Variants in CYRIB observed in about 807,000 individuals in gnomAD.
The protein encoded by CYRIB is CYFIP related Rac1 interactor B.
CYRIB carries 8 observed loss-of-function variants against 44.2 expected under a neutral mutation model. The observed-to-expected ratio is 0.18, with a 90% CI of 0.11 to 0.33. The LOEUF (loss-of-function observed/expected upper bound fraction) is 0.33, where lower values mean the gene tolerates loss of function less well. Among genes scored for constraint, CYRIB ranks in the 10% least tolerant of loss-of-function variants. CYRIB has a pLI of 1.00. For missense variants in CYRIB, 185 were observed against 382.8 expected (o/e 0.48, Z 4.31); for synonymous variants, 131 against 127.2 (o/e 1.03, Z -0.20).
At chr8:129,985,493 T>C (rs1185558517) in intron 1 of CYRIB, among the ~76,000 whole-genome samples, 1 of 152,168 alleles carries the variant, frequency 6.6e-6, no homozygotes, top group Non-Finnish European at 1.5e-5. Context: ...GAGACAATGG[T>C]GACCCACCAT....
chr8:129,933,579 T>C (rs2138598356), intron 1 of CYRIB, among the ~76,000 whole-genome samples: 1 of 152,272 alleles, frequency 6.6e-6, no homozygotes, highest in Middle Eastern at 3.4e-3. Flanking sequence ...TCATAATGTA[T>C]AGTAAGAACT....
intron 1 of CYRIB, among the ~76,000 whole-genome samples, chr8:129,990,409 A>T (rs77326873): frequency 0.077 from 11,702 of 152,166 alleles, 533 homozygotes; most frequent in South Asian, 0.22. Flanking sequence ...TATATACGTA[A>T]TATGTATAAT....
chr8:129,865,102 GGATA>G (rs1190817324), intron 4 of CYRIB: 13 of 153,880 alleles, frequency 8.4e-5, no homozygotes, highest in Admixed American at 7.2e-4. Flanking sequence ...AAACAATTTA[GGATA>G]GTTATGTCTG....
chr8:129,930,381 T>A (rs866541309), intron 1 of CYRIB, among the ~76,000 whole-genome samples: 63 of 2,654 alleles, frequency 0.024, no homozygotes, highest in East Asian at 0.087. Context: ...ATATATATAT[T>A]TTAATTATTT....
At chr8:129,977,605 C>G (rs1488318309) in intron 1 of CYRIB, among the ~76,000 whole-genome samples, 2 of 151,812 alleles carry the variant, frequency 1.3e-5, no homozygotes, top group Non-Finnish European at 2.9e-5. Flanking sequence ...GATCTCGGCT[C>G]ACTGCAAACT....
chr8:129,856,696 T>C (rs1009435879), intron 5 of CYRIB, among the ~76,000 whole-genome samples: 7 of 152,244 alleles, frequency 4.6e-5, no homozygotes, highest in Non-Finnish European at 7.3e-5. Context: ...GATTTACGTA[T>C]GAGTCAACAT....
chr8:129,982,777 T>C (rs756881381), intron 1 of CYRIB, among the ~76,000 whole-genome samples: 6 of 152,178 alleles, frequency 3.9e-5, no homozygotes, highest in African/African-American at 9.7e-5. Flanking sequence ...TTCCAGCAGA[T>C]CTCTAAAACC....
intron 3 of CYRIB, among the ~76,000 whole-genome samples, chr8:129,874,933 A>G (rs746002464): frequency 5.9e-5 from 9 of 152,214 alleles, no homozygotes; most frequent in Non-Finnish European, 1.3e-4. Flanking sequence ...GAAAGGCACT[A>G]TAACAGAATC....
chr8:129,967,389 T>G (rs1031749672), intron 2 of CYRIB, among the ~76,000 whole-genome samples: 4 of 151,412 alleles, frequency 2.6e-5, no homozygotes, highest in East Asian at 1.9e-4. Flanking sequence ...GTTTTTTTGT[T>G]TTTTTTTTGA....
chr8:129,887,476 T>C (rs1475179410), intron 2 of CYRIB, among the ~76,000 whole-genome samples: 2 of 152,168 alleles, frequency 1.3e-5, no homozygotes, highest in Admixed American at 6.5e-5. Flanking sequence ...TGGGGAAATG[T>C]AGGGTTGGAG....
intron 1 of CYRIB, among the ~76,000 whole-genome samples, chr8:129,913,117 G>A (rs747586623): frequency 1.3e-5 from 2 of 151,852 alleles, no homozygotes; most frequent in Non-Finnish European, 2.9e-5. Flanking sequence ...GACTACAGGC[G>A]CCGGCCACCA....
intron 1 of CYRIB, among the ~76,000 whole-genome samples, chr8:129,988,269 T>A (rs2096535617): frequency 6.6e-6 from 1 of 152,236 alleles, no homozygotes; most frequent in Admixed American, 6.5e-5. Flanking sequence ...GCTCTCTTCC[T>A]GATTCCGCTA....
Position 129,936,824 on chromosome 8 carries a change from G to A in CYRIB, c.-50+2784C>T, listed in dbSNP as rs569351608. On this transcript the variant is annotated intron_variant, in intron 1 of 11. Coordinates refer to ENST00000519824, the Ensembl canonical transcript of CYRIB. Reference sequence around the variant, plus strand: ...CGGGTTCATGCCATTCTCCTGCCTCGGCCTCCTGAGTAGCTGGGACTACAG... The same window carrying A: ...CGGGTTCATGCCATTCTCCTGCCTCAGCCTCCTGAGTAGCTGGGACTACAG... 5.7e-3 allele frequency among the ~76,000 whole-genome samples: 853 copies of A among 150,308 alleles called. 13 individuals carry two copies. Among genetic ancestry groups the A allele is most frequent in the African/African-American group, 0.02 (823 of 40,902 alleles).
At chr8:129,961,748 G>T (rs1469085525) in intron 2 of CYRIB, among the ~76,000 whole-genome samples, 1 of 152,102 alleles carries the variant, frequency 6.6e-6, no homozygotes, top group Non-Finnish European at 1.5e-5. Context: ...TCTCAGAAGA[G>T]AACTATGGCA....
At position 129,913,628 on chromosome 8, in the gene CYRIB, G is replaced by A. The variant is rs181878212; in HGVS notation, c.-49-10278C>T. On this transcript the variant is annotated intron_variant, in intron 1 of 11. Coordinates refer to ENST00000519824, the Ensembl canonical transcript of CYRIB. ...ACAGACTACGTGTGAACAGTTCATG[G>A]ACCAGTGCTGGTTTGCAAAGTGCGC... Among the ~76,000 whole-genome samples the A allele has an allele frequency of 4.6e-4, 70 of 152,280 alleles. No homozygotes were observed. The South Asian group carries it at 0.01, about 22-fold the overall frequency.
chr8:129,970,749 ATATT>A (rs1247856855), intron 2 of CYRIB, 190 bp downstream of exon 2: 1 of 152,214 alleles, frequency 6.6e-6, no homozygotes, highest in African/African-American at 2.4e-5. Context: ...GAATGAATGA[ATATT>A]CATAGAGTGA....
intron 1 of CYRIB, among the ~76,000 whole-genome samples, chr8:129,920,038 C>A (rs1179350195): frequency 6.6e-6 from 1 of 150,992 alleles, no homozygotes; most frequent in Non-Finnish European, 1.5e-5. Context: ...TTATATAATT[C>A]CAAATTTGGA....
chr8:130,012,323 G>A (rs953123214), intron 1 of CYRIB, among the ~76,000 whole-genome samples: 1 of 152,196 alleles, frequency 6.6e-6, no homozygotes, highest in Non-Finnish European at 1.5e-5. Flanking sequence ...TCCACAATTG[G>A]TTTAAAATAG....
At chr8:129,840,960 T>C (rs1186957969) in exon 12 of CYRIB, 1 of 152,218 alleles carries the variant, frequency 6.6e-6, no homozygotes, top group African/African-American at 2.4e-5. Flanking sequence ...TTTAAAACAC[T>C]GGCATGGTTG....
Sources: gnomAD v4.1 joint callset for allele counts (sites outside exome capture counted in the v4.1 genomes callset) on GRCh38, gnomAD v4.1.1 for gene constraint, MANE v1.5 for transcripts, NCBI Gene and HGNC (gene_info 2026-07-23, HGNC 2026-07-21) for gene names.